The following GSAP variants were observed in gnomAD, a reference collection of about 807,000 sequenced individuals.
GSAP encodes gamma-secretase activating protein, also known as gamma-secretase-activating protein.
Under a neutral mutation model 131.7 loss-of-function variants are expected in GSAP, and 118 were observed. The ratio of observed to expected loss-of-function variants is 0.90; its 90% CI spans 0.77 to 1.04. The LOEUF is 1.04. Ranked by LOEUF, GSAP falls within the 50% of genes least tolerant of loss-of-function variation. The pLI, the probability that GSAP is intolerant of heterozygous loss-of-function variation, is 0.00. For missense variants in GSAP, 1,019 were observed against 1,013.2 expected, an observed-to-expected ratio of 1.01 and a Z score of -0.08; for synonymous variants, 381 against 363.4, an observed-to-expected ratio of 1.05 and a Z score of -0.55.
intron 25 of GSAP, 74 bp downstream of exon 25, chr7:77,321,259 C>G: frequency 1.1e-6 from 1 of 911,108 alleles, no homozygotes; most frequent in Non-Finnish European, 1.8e-6. Flanking sequence ...TAGTGCATTT[C>G]AAAAGGGTTT....
Position 77,377,360 on chromosome 7 carries a change from C to T in GSAP, c.607G>A (p.Asp203Asn), listed in dbSNP as rs1054450297. The T allele has an allele frequency of 4.5e-6, 7 of 1,549,758 alleles. No homozygotes were observed. The African/African-American group carries it at 7.5e-5, about 17-fold the overall frequency. ...CAAACGAAATCCTCAGCTATTCTGT[C>T]TCTTGGGAGATGGCCAGAATTTTTA... ...VIKNSGHLPR[D>N]RIAEDFVWAQ... The change falls in exon 9 of 31, where the codon GAC becomes AAC. Residue 203 changes from aspartate (D) to asparagine (N), a missense_variant. Asp to Asn is a conservative substitution (Grantham distance 23, BLOSUM62 1). Transcript: ENST00000257626.
At chr7:77,321,249 T>G in intron 25 of GSAP, 84 bp downstream of exon 25, 1 of 819,406 alleles carries the variant, frequency 1.2e-6, no homozygotes, top group Non-Finnish European at 2.1e-6. Context: ...TGATTTGAAC[T>G]AGTGCATTTC....
chr7:77,383,168 T>C (rs1400648499), intron 6 of GSAP, among the ~76,000 whole-genome samples: 1 of 152,136 alleles, frequency 6.6e-6, no homozygotes, highest in Admixed American at 6.5e-5. Context: ...GCCTGGGTGA[T>C]AGAGCAAGAC....
intron 18 of GSAP, chr7:77,351,081 A>G (rs1018841189): frequency 1.2e-5 from 11 of 953,660 alleles, no homozygotes; most frequent in Non-Finnish European, 1.2e-5. Flanking sequence ...TTTTACTGAT[A>G]TAGAATATTC....
At chr7:77,323,815 A>T in intron 23 of GSAP, 73 bp from the exon 24 acceptor site, 1 of 615,690 alleles carries the variant, frequency 1.6e-6, no homozygotes, top group South Asian at 2.0e-5. Context: ...AATTAGATCC[A>T]CTTATTAACA....
chr7:77,332,811 AT>A (rs1789365197), intron 19 of GSAP, among the ~76,000 whole-genome samples: 1 of 152,184 alleles, frequency 6.6e-6, no homozygotes, highest in South Asian at 2.1e-4. Flanking sequence ...TCTTACAGAT[AT>A]TAAGATAATA....
At chr7:77,368,427 G>T (rs1460614589) in intron 12 of GSAP, among the ~76,000 whole-genome samples, 1 of 152,094 alleles carries the variant, frequency 6.6e-6, no homozygotes, top group Non-Finnish European at 1.5e-5. Context: ...GTGGCTATTG[G>T]CTACCATACT....
chr7:77,384,070 G>C lies in GSAP; in HGVS notation c.457-1427C>G, dbSNP rs138401922. ...CTAATTGTCTCATAATTTGTAAAAT[G>C]TCACACATCAAACAAGATACTTTGT... On this transcript the variant is annotated intron_variant, in intron 6 of 30. Transcript: ENST00000257626. Among the ~76,000 whole-genome samples, 4 of 152,188 alleles carry C rather than the reference G, an allele frequency of 2.6e-5. No homozygotes were observed. In the East Asian group the frequency reaches 7.7e-4, roughly 29 times the overall value.
intron 14 of GSAP, among the ~76,000 whole-genome samples, chr7:77,357,786 A>G (rs963892131): frequency 2.6e-5 from 4 of 152,224 alleles, no homozygotes; most frequent in Non-Finnish European, 4.4e-5. Flanking sequence ...TCCAGAAGGC[A>G]CTAGTCCTGC....
chr7:77,402,699 A>C (rs1450565315), intron 3 of GSAP, among the ~76,000 whole-genome samples: 1 of 150,844 alleles, frequency 6.6e-6, no homozygotes, highest in Non-Finnish European at 1.5e-5. Flanking sequence ...AAAAAAAAAA[A>C]CATATGGGCT....
chr7:77,325,227 A>C (rs1788166200), intron 23 of GSAP, among the ~76,000 whole-genome samples: 1 of 152,180 alleles, frequency 6.6e-6, no homozygotes, highest in African/African-American at 2.4e-5. Context: ...TGGCATATCT[A>C]AACTAACCTC....
chr7:77,349,679 AG>A (rs1469848779), intron 18 of GSAP, among the ~76,000 whole-genome samples: 2 of 152,244 alleles, frequency 1.3e-5, no homozygotes, highest in African/African-American at 4.8e-5. Context: ...GAGAGCAAAT[AG>A]GGTATTTTTA....
intron 5 of GSAP, among the ~76,000 whole-genome samples, chr7:77,388,200 G>A (rs559313820): frequency 2.0e-5 from 3 of 152,186 alleles, no homozygotes; most frequent in Non-Finnish European, 2.9e-5. Flanking sequence ...GAAGTTGTTT[G>A]TACTCACTCC....
At chr7:77,317,602 T>C (rs1483165178) in intron 26 of GSAP, among the ~76,000 whole-genome samples, 2 of 152,234 alleles carry the variant, frequency 1.3e-5, no homozygotes, top group Non-Finnish European at 2.9e-5. Context: ...TAATTCTCGA[T>C]CACTATGGAT....
At chr7:77,331,959 G>C (rs1309144456) in intron 19 of GSAP, 2 of 151,974 alleles carry the variant, frequency 1.3e-5, no homozygotes, top group African/African-American at 2.4e-5. Flanking sequence ...TCCCTGACTG[G>C]AAGTCTCTAA....
intron 22 of GSAP, chr7:77,326,491 T>G: frequency 8.8e-6 from 4 of 455,130 alleles, no homozygotes; most frequent in Non-Finnish European, 1.6e-5. Flanking sequence ...AACCAACACA[T>G]TCCTCAACCC....
chr7:77,349,154 C>T (rs1694809453), intron 19 of GSAP, among the ~76,000 whole-genome samples, 197 bp downstream of exon 19: 2 of 152,180 alleles, frequency 1.3e-5, no homozygotes, highest in Admixed American at 1.3e-4. Context: ...CTTCAAAGAG[C>T]ATTCCTGAGA....
At chr7:77,402,593 CAAAAAAAAAA>C (rs56739649) in intron 3 of GSAP, among the ~76,000 whole-genome samples, 1 of 24,764 alleles carries the variant, frequency 4.0e-5, no homozygotes, top group African/African-American at 1.1e-4. Context: ...GACTCTGTCT[CAAAAAAAAAA>C]AAAAAAAAAA....
chr7:77,354,916 T>C (rs1021774543), intron 16 of GSAP, among the ~76,000 whole-genome samples: 2 of 152,144 alleles, frequency 1.3e-5, no homozygotes, highest in African/African-American at 4.8e-5. Flanking sequence ...GGAGAAAAAG[T>C]AGATATTTAA....
Sources: gnomAD v4.1 joint callset for allele counts (sites outside exome capture counted in the v4.1 genomes callset) on GRCh38, gnomAD v4.1.1 for gene constraint, MANE v1.5 for transcripts, NCBI Gene and HGNC (gene_info 2026-07-23, HGNC 2026-07-21) for gene names.